The following ATAD2 variants were observed in gnomAD, a reference collection of about 807,000 sequenced individuals.
ATAD2 encodes ATPase family AAA domain containing 2.
A neutral mutation model predicts 168.9 loss-of-function variants in ATAD2; 62 were observed. The observed-to-expected ratio is 0.37, with a 90% CI of 0.30 to 0.45. The LOEUF (loss-of-function observed/expected upper bound fraction) is 0.45. Ranked by LOEUF, ATAD2 falls within the 20% of genes least tolerant of loss-of-function variation. ATAD2 has a pLI of 1.00. For synonymous variants in ATAD2, 613 were observed against 571.6 expected, an observed-to-expected ratio of 1.07 and a Z score of -1.03; for missense variants, 1,419 against 1,667.8, an observed-to-expected ratio of 0.85 and a Z score of 2.60.
At chr8:123,415,381 T>A (rs1813241717) in intron 1 of ATAD2, among the ~76,000 whole-genome samples, 1 of 152,214 alleles carries the variant, frequency 6.6e-6, no homozygotes, top group Non-Finnish European at 1.5e-5. Flanking sequence ...GTGCTCCAAG[T>A]CTTTAGGATT....
intron 7 of ATAD2, 186 bp from the exon 8 acceptor site, chr8:123,369,361 G>A (rs934600126): frequency 4.1e-5 from 9 of 220,330 alleles, no homozygotes; most frequent in Non-Finnish European, 6.8e-5. Flanking sequence ...TATGTCCAGA[G>A]GGTTGCAGCT....
Position 123,328,277 on chromosome 8 carries a change from A to G in ATAD2, c.3781T>C (p.Cys1261Arg). ...GCAATCTTGTCTCTCAATTCTGTAC[A>G]TGCTGTAGTCTTCCTAGAGTCTTCA... ...ELEDSRKTTACTELRDKIACN... is the reference protein window; with the variant it reads ...ELEDSRKTTARTELRDKIACN... Residue 1261 changes from cysteine (C) to arginine (R), a missense_variant, in exon 25 of 28, where the codon TGT becomes CGT. Around this residue, in one of 5 missense-constraint regions of ATAD2, gnomAD observed 303 missense variants for 304.3 expected, o/e 1.00. Transcript: ENST00000287394. 3 of 1,588,856 alleles carry G rather than the reference A, an allele frequency of 1.9e-6. No homozygotes were observed. Among genetic ancestry groups the G allele is most frequent in the Non-Finnish European group, 2.6e-6 (3 of 1,170,066 alleles).
chr8:123,325,863 G>C, intron 26 of ATAD2, 30 bp downstream of exon 26: 1 of 1,610,330 alleles, frequency 6.2e-7, no homozygotes, highest in Non-Finnish European at 8.5e-7. Context: ...AATCTGCAGA[G>C]TAAAAGCATT....
chr8:123,348,321 T>C (rs1035009357), intron 14 of ATAD2, 48 bp from the exon 15 acceptor site: 4 of 1,257,720 alleles, frequency 3.2e-6, no homozygotes, highest in Non-Finnish European at 4.4e-6. Flanking sequence ...TAATAAATGC[T>C]ATTCAGATTA....
Position 123,359,350 on chromosome 8 carries a change from C to T in ATAD2, c.1267-14G>A, listed in dbSNP as rs370955237. 3.1e-4 allele frequency: 481 copies of T among 1,550,492 alleles called. 2 individuals are homozygous for T. Among genetic ancestry groups the T allele is most frequent in the Non-Finnish European group, 3.7e-4 (420 of 1,133,756 alleles). ...ATCAAATCGTACCTGGTAATGGAAGCGAACATGTACATTTTTAGATTTGGA... is the reference window on the plus strand; with the variant it reads ...ATCAAATCGTACCTGGTAATGGAAGTGAACATGTACATTTTTAGATTTGGA... On this transcript the variant is annotated splice_polypyrimidine_tract_variant and intron_variant, in intron 10 of 27. Transcript: ENST00000287394.
intron 2 of ATAD2, among the ~76,000 whole-genome samples, chr8:123,373,225 C>A (rs921260930): frequency 1.5e-4 from 23 of 149,326 alleles, no homozygotes; most frequent in African/African-American, 5.7e-4. Flanking sequence ...AGAGATGGGG[C>A]GGGGGGGGTC....
At chr8:123,387,918 T>C (rs186166776) in intron 1 of ATAD2, among the ~76,000 whole-genome samples, 57 of 152,242 alleles carry the variant, frequency 3.7e-4, no homozygotes, top group Admixed American at 1.4e-3. Context: ...ACAAATGAGG[T>C]TGAAATAGGA....
intron 1 of ATAD2, among the ~76,000 whole-genome samples, chr8:123,381,624 G>A (rs1181991111): frequency 1.3e-5 from 2 of 152,186 alleles, no homozygotes; most frequent in African/African-American, 2.4e-5. Flanking sequence ...TTAATGGGCT[G>A]CTTTATGAGC....
intron 1 of ATAD2, among the ~76,000 whole-genome samples, chr8:123,405,149 T>C (rs1055437521): frequency 2.0e-5 from 3 of 152,204 alleles, no homozygotes; most frequent in African/African-American, 7.2e-5. Context: ...ACATACAATA[T>C]AGACACAAAT....
chr8:123,336,369 T>C lies in ATAD2; in HGVS notation c.3211+4A>G. 6.4e-7 allele frequency: 1 copy of C among 1,573,148 alleles called. No individual in the cohort carries two copies. The highest frequency in any genetic ancestry group is 8.6e-7 in the Non-Finnish European group (1 of 1,167,976). ...CCCCTGAAAAAAAATTCACTAATGC[T>C]CACCTCCAGGATCTCTATCTGGATT... On this transcript the variant is annotated splice_donor_region_variant and intron_variant, in intron 22 of 27. Transcript: ENST00000287394.
At chr8:123,412,803 C>A (rs1813180285) in intron 1 of ATAD2, among the ~76,000 whole-genome samples, 2 of 152,120 alleles carry the variant, frequency 1.3e-5, no homozygotes, top group Admixed American at 1.3e-4. Context: ...CAAATCCCTG[C>A]ACTAACAGAC....
upstream of ATAD2, among the ~76,000 whole-genome samples, chr8:123,398,435 T>C (rs907241980): frequency 6.6e-6 from 1 of 152,144 alleles, no homozygotes; most frequent in African/African-American, 2.4e-5. Context: ...CTTACCATGC[T>C]GGCCAGGCTG....
intron 1 of ATAD2, among the ~76,000 whole-genome samples, chr8:123,415,744 G>A (rs760811989): frequency 6.6e-6 from 1 of 152,092 alleles, no homozygotes; most frequent in East Asian, 1.9e-4. Context: ...ACAGGCGCGC[G>A]CCTCCACGCC....
At chr8:123,377,683 C>T (rs1257652224) in intron 2 of ATAD2, among the ~76,000 whole-genome samples, 2 of 152,166 alleles carry the variant, frequency 1.3e-5, no homozygotes, top group African/African-American at 4.8e-5. Context: ...ACCATAATTG[C>T]TATATATACT....
chr8:123,388,720 G>C (rs1166527740), intron 1 of ATAD2, among the ~76,000 whole-genome samples: 3 of 151,970 alleles, frequency 2.0e-5, no homozygotes, highest in Admixed American at 6.6e-5. Flanking sequence ...GTGGGGGCGG[G>C]GGGGTGGTCT....
intron 24 of ATAD2, among the ~76,000 whole-genome samples, chr8:123,330,615 G>C (rs899270243): frequency 3.3e-5 from 5 of 152,098 alleles, no homozygotes; most frequent in African/African-American, 1.2e-4. Flanking sequence ...GCCCACCCTG[G>C]CCTCCCAAAA....
chr8:123,371,471 T>C (rs905860092), intron 4 of ATAD2, 133 bp from the exon 5 acceptor site: 6 of 847,124 alleles, frequency 7.1e-6, no homozygotes, highest in Non-Finnish European at 1.0e-5. Context: ...TTGATTTACT[T>C]GTATAAAAAT....
chr8:123,402,020 G>A lies in ATAD2; in HGVS notation c.-2281-845C>T. The A allele has an allele frequency of 6.7e-7, 1 of 1,493,508 alleles. No individual in the cohort carries two copies. Among genetic ancestry groups the A allele is most frequent in the Non-Finnish European group, 9.3e-7 (1 of 1,075,138 alleles). The allele number at this position is 1,493,508 out of a possible 1,614,324, so 92.5% of individuals were successfully genotyped here. A position where few individuals can be genotyped will look rare whatever the true frequency, so the allele number is the denominator to read the frequency against. On this transcript the variant is annotated intron_variant, in intron 1 of 28. Transcript: ENST00000521903. This position sits in a 1 kb window ranked among gnomAD's most constrained non-coding sequence, Gnocchi z 4.8. ...TGTCCTTTGGTCCATGATGTACTCA[G>A]GAGAGCTCAAGTTTGAGAAGCGTAC...
rs1039839690 is a variant in ATAD2, at chr8:123,349,153, T to TGA, written c.1806+130_1806+131dup. 53 of 837,280 alleles carry TGA rather than the reference T, an allele frequency of 6.3e-5. No homozygotes were observed. In the African/African-American group the frequency reaches 8.6e-4, roughly 14 times the overall value. The allele number at this position is 837,280 out of a possible 1,614,324, so 51.9% of individuals were successfully genotyped here. ...AAAAGAATAAAAATTTGTCCCCATT[T>TGA]GAGTTGTTTACTATCATTTGACAAG... is the stretch of plus-strand genomic sequence containing the variant. On this transcript the variant is annotated intron_variant, in intron 14 of 27. Coordinates refer to ENST00000287394, the MANE Select transcript of ATAD2 (RefSeq NM_014109.4).
Sources: allele counts gnomAD v4.1 joint callset (sites outside exome capture counted in the v4.1 genomes callset), GRCh38; gene constraint gnomAD v4.1.1; regional missense constraint gnomAD v4.1.1; non-coding constraint Gnocchi (gnomAD v3.1); transcripts MANE v1.5; gene names NCBI Gene and HGNC (gene_info 2026-07-23, HGNC 2026-07-21).